TENM2: variants seen among roughly 807,000 people sequenced by gnomAD.
The protein encoded by TENM2 is teneurin-2.
TENM2 carries 52 observed loss-of-function variants against 245.2 expected under a neutral mutation model. The ratio of observed to expected loss-of-function variants is 0.21; its 90% CI spans 0.17 to 0.27. The LOEUF is 0.27. Ranked by LOEUF, TENM2 falls within the 10% of genes least tolerant of loss-of-function variation. The probability of loss-of-function intolerance (pLI) is 1.00; values close to 1 mark genes in which losing one functional copy is unlikely to be tolerated. For missense variants in TENM2, 3,046 were observed against 3,666.8 expected, an observed-to-expected ratio of 0.83 and a Z score of 4.37; for synonymous variants, 1,363 against 1,438.9, an observed-to-expected ratio of 0.95 and a Z score of 1.19.
chr5:168,260,159 C>A, intron 27 of TENM2, 124 bp from the exon 30 acceptor site: 1 of 876,164 alleles, frequency 1.1e-6, no homozygotes, highest in Non-Finnish European at 1.8e-6. Context: ...GTCATAAGCT[C>A]TTCCTCCCTC....
At chr5:167,374,261 A>G (rs1045619925) in intron 1 of TENM2, among the ~76,000 whole-genome samples, 20 of 152,176 alleles carry the variant, frequency 1.3e-4, no homozygotes, top group Admixed American at 1.2e-3. Context: ...TACTTTGCCT[A>G]CAGTATTCAG....
At chr5:167,219,029 A>G in the TENM2 span, among the ~76,000 whole-genome samples, 1 of 152,216 alleles carries the variant, frequency 6.6e-6, no homozygotes, top group East Asian at 1.9e-4. Flanking sequence ...ATCAAATCAG[A>G]TAATTAACTG....
At chr5:167,268,784 AG>A in the TENM2 span, among the ~76,000 whole-genome samples, 1 of 152,144 alleles carries the variant, frequency 6.6e-6, no homozygotes, top group African/African-American at 2.4e-5. Context: ...ATGTGCAAAA[AG>A]TTTTACTGTC....
At chr5:167,823,740 C>T (rs1767731870) in intron 2 of TENM2, among the ~76,000 whole-genome samples, 1 of 152,140 alleles carries the variant, frequency 6.6e-6, no homozygotes, top group Non-Finnish European at 1.5e-5. Context: ...TGGAGCAAGT[C>T]ACTTTTTTAA....
chr5:167,866,952 A>G (rs2078524129), intron 2 of TENM2, among the ~76,000 whole-genome samples: 1 of 152,252 alleles, frequency 6.6e-6, no homozygotes, highest in Non-Finnish European at 1.5e-5. Flanking sequence ...CTTAAACACT[A>G]GGGATGTAGA....
At chr5:167,150,057 TA>T in the TENM2 span, among the ~76,000 whole-genome samples, 1 of 152,044 alleles carries the variant, frequency 6.6e-6, no homozygotes. Flanking sequence ...ATAAAGTAAA[TA>T]GTCTCCACTG....
At chr5:167,970,353 T>G (rs1194467623) in intron 4 of TENM2, among the ~76,000 whole-genome samples, 2 of 152,228 alleles carry the variant, frequency 1.3e-5, no homozygotes, top group Non-Finnish European at 2.9e-5. Context: ...TATCATCTTC[T>G]TTCCTGCAAA....
In TENM2 at chr5:168,244,207, G is replaced by A. The variant is rs1349396593; in HGVS notation, c.5521-213G>A. ...CCACTTCAGCCTCCCACAGTGCTAG[G>A]ATTACAGGCGTGAGCCACCACACCC... On this transcript the variant is annotated intron_variant, in intron 25 of 28. Transcript: ENST00000518659. The surrounding 1 kb of genome is among the most constrained non-coding windows in gnomAD (Gnocchi z 4.9). 3.3e-5 allele frequency among the ~76,000 whole-genome samples: 5 copies of A among 152,124 alleles called. No individual in the cohort carries two copies. Among genetic ancestry groups the A allele is most frequent in the Non-Finnish European group, 7.4e-5 (5 of 68,018 alleles).
rs60283439 is a variant in TENM2, at chr5:167,526,832, G to A, written c.502+151359G>A. Among the ~76,000 whole-genome samples the A allele has an allele frequency of 3.2e-3, 489 of 152,114 alleles. 24 individuals carry two copies. In the South Asian group the frequency reaches 0.081, roughly 25 times the overall value. ...AATGAAATCTCATTCAGTGTCTGTGGAAACCTGCTCCTGAGATGTTCACAG... is the reference window on the plus strand; with the variant it reads ...AATGAAATCTCATTCAGTGTCTGTGAAAACCTGCTCCTGAGATGTTCACAG... On this transcript the variant is annotated intron_variant, in intron 2 of 28. Coordinates refer to ENST00000518659, the Ensembl canonical transcript of TENM2.
intron 2 of TENM2, among the ~76,000 whole-genome samples, chr5:167,820,341 T>C (rs1767416080): frequency 6.6e-6 from 1 of 152,188 alleles, no homozygotes; most frequent in Non-Finnish European, 1.5e-5. Flanking sequence ...AGAGCTGACA[T>C]AAATAATGTA....
At chr5:167,190,085 G>A in the TENM2 span, among the ~76,000 whole-genome samples, 26 of 152,116 alleles carry the variant, frequency 1.7e-4, no homozygotes, top group Non-Finnish European at 3.5e-4. Context: ...GGATGTCTTT[G>A]TTTGAGTCCT....
chr5:168,082,364 G>T (rs900284072), intron 7 of TENM2, among the ~76,000 whole-genome samples: 1 of 152,082 alleles, frequency 6.6e-6, no homozygotes, highest in African/African-American at 2.4e-5. Flanking sequence ...GCTTCTTTGC[G>T]ATGGGTTCGA....
chr5:167,095,496 G>A, the TENM2 span, among the ~76,000 whole-genome samples: 2 of 152,132 alleles, frequency 1.3e-5, no homozygotes, highest in East Asian at 3.9e-4. Context: ...TCTTGGCCCA[G>A]CCATAATAGA....
intron 2 of TENM2, among the ~76,000 whole-genome samples, chr5:167,873,180 G>A (rs918919196): frequency 1.3e-5 from 2 of 152,240 alleles, no homozygotes; most frequent in Admixed American, 6.5e-5. Context: ...CTATGAAGGA[G>A]CCACTTTGAA....
At chr5:167,704,405 C>CA (rs1758365431) in intron 2 of TENM2, among the ~76,000 whole-genome samples, 2 of 152,140 alleles carry the variant, frequency 1.3e-5, no homozygotes, top group Admixed American at 1.3e-4. Flanking sequence ...GCCATTCCTA[C>CA]TCATTCATTT....
chr5:168,071,332 A>G (rs1790998235), intron 7 of TENM2, among the ~76,000 whole-genome samples: 1 of 152,112 alleles, frequency 6.6e-6, no homozygotes, highest in Non-Finnish European at 1.5e-5. Flanking sequence ...AACAAACAAA[A>G]CAGATTTCAA....
chr5:167,642,707 A>G (rs1779693604), intron 2 of TENM2, among the ~76,000 whole-genome samples: 1 of 152,250 alleles, frequency 6.6e-6, no homozygotes, highest in African/African-American at 2.4e-5. Flanking sequence ...AGGATTGGAC[A>G]TACAGAATTC....
At chr5:167,059,693 A>ACTTCAAATGCTTATTTGATG in the TENM2 span, among the ~76,000 whole-genome samples, 6,964 of 140,160 alleles carry the variant, frequency 0.05, 249 homozygotes, top group Non-Finnish European at 0.076. Context: ...CTTATTTGAT[A>ACTTCAAATGCTTATTTGATG]GAATAAGTAA....
chr5:167,647,414 G>A (rs1780035066), intron 2 of TENM2, among the ~76,000 whole-genome samples: 1 of 152,082 alleles, frequency 6.6e-6, no homozygotes, highest in South Asian at 2.1e-4. Context: ...CCTGAGGTCG[G>A]GAGTTCGAGA....
Sources: allele counts gnomAD v4.1 joint callset (sites outside exome capture counted in the v4.1 genomes callset), GRCh38; gene constraint gnomAD v4.1.1; non-coding constraint Gnocchi (gnomAD v3.1); transcripts MANE v1.5; gene names NCBI Gene and HGNC (gene_info 2026-07-23, HGNC 2026-07-21).